The following SORCS2 variants were observed in gnomAD, a reference collection of about 807,000 sequenced individuals.
SORCS2 encodes sortilin related VPS10 domain containing receptor 2, also known as VPS10 domain-containing receptor SorCS2.
Under a neutral mutation model 141.6 loss-of-function variants are expected in SORCS2, and 100 were observed. The observed-to-expected ratio is 0.71, with a 90% CI of 0.60 to 0.83. The LOEUF is 0.83. SORCS2 is among the 40% of genes least tolerant of loss of function. SORCS2 has a pLI of 0.00. For missense variants in SORCS2, 1,646 were observed against 1,560.2 expected, an observed-to-expected ratio of 1.05 and a Z score of -0.93; for synonymous variants, 789 against 676.9, an observed-to-expected ratio of 1.17 and a Z score of -2.57.
chr4:7,545,012 G>T (rs548387858), intron 3 of SORCS2, among the ~76,000 whole-genome samples: 1 of 152,302 alleles, frequency 6.6e-6, no homozygotes, highest in Non-Finnish European at 1.5e-5. Context: ...GAGAAAAATG[G>T]CTCAATTGGG....
At chr4:7,676,017 C>A in intron 8 of SORCS2, 33 bp from the exon 9 acceptor site, 1 of 1,555,544 alleles carries the variant, frequency 6.4e-7, no homozygotes, top group Middle Eastern at 1.7e-4. Context: ...CCCAGCCTGG[C>A]TCTGACCCTG....
In SORCS2 at chr4:7,255,005, A is replaced by C. The variant is rs576804996; in HGVS notation, c.480+61879A>C. Among the ~76,000 whole-genome samples, 3 of 152,104 alleles carry C rather than the reference A, an allele frequency of 2.0e-5. No individual in the cohort carries two copies. In the East Asian group the frequency reaches 5.8e-4, roughly 30 times the overall value. On this transcript the variant is annotated intron_variant, in intron 1 of 26. Transcript: ENST00000507866. ...GGTGGGAGGTGTCTGCTGTGCACAG[A>C]TGAGTATGTGAGCATGTGTGTGAGC...
intron 10 of SORCS2, among the ~76,000 whole-genome samples, chr4:7,688,811 G>A (rs757362615): frequency 4.6e-5 from 7 of 152,272 alleles, no homozygotes; most frequent in Admixed American, 1.3e-4. Context: ...AGGAGGGCTC[G>A]GCCAGCCAGA....
At chr4:7,440,061 C>T (rs182183278) in intron 2 of SORCS2, among the ~76,000 whole-genome samples, 1 of 152,336 alleles carries the variant, frequency 6.6e-6, no homozygotes, top group East Asian at 1.9e-4. Context: ...AGACATTCAT[C>T]CTCCACCCAC....
intron 1 of SORCS2, among the ~76,000 whole-genome samples, chr4:7,335,554 C>T (rs1393213194): frequency 6.6e-6 from 1 of 152,172 alleles, no homozygotes; most frequent in Non-Finnish European, 1.5e-5. Context: ...TGTCGGGGCA[C>T]CCGAGGACGG....
intron 13 of SORCS2, among the ~76,000 whole-genome samples, 176 bp downstream of exon 13, chr4:7,703,547 G>C (rs1166443058): frequency 6.6e-6 from 1 of 152,176 alleles, no homozygotes; most frequent in African/African-American, 2.4e-5. Context: ...AACCTTTCCT[G>C]AGGGGTCGTG....
chr4:7,284,383 T>C (rs1716078294), intron 1 of SORCS2, among the ~76,000 whole-genome samples: 1 of 152,212 alleles, frequency 6.6e-6, no homozygotes, highest in East Asian at 1.9e-4. Context: ...CTGAGCCTGT[T>C]TCCTTGCCTG....
At chr4:7,642,364 A>G (rs1201005288) in intron 4 of SORCS2, among the ~76,000 whole-genome samples, 1 of 152,252 alleles carries the variant, frequency 6.6e-6, no homozygotes, top group East Asian at 1.9e-4. Context: ...AATTGACTGC[A>G]TTGCAATTGC....
chr4:7,558,540 T>G (rs1294826134), intron 3 of SORCS2, among the ~76,000 whole-genome samples: 1 of 152,182 alleles, frequency 6.6e-6, no homozygotes, highest in African/African-American at 2.4e-5. Context: ...ACAGGTGAGA[T>G]GCCAGCTCCC....
chr4:7,340,596 C>T (rs1720315035), intron 1 of SORCS2, among the ~76,000 whole-genome samples: 1 of 152,210 alleles, frequency 6.6e-6, no homozygotes, highest in South Asian at 2.1e-4. Context: ...TCTGAAACAG[C>T]CTCTTTCTGA....
chr4:7,625,508 T>A (rs1719460605), intron 3 of SORCS2, among the ~76,000 whole-genome samples: 1 of 150,396 alleles, frequency 6.6e-6, no homozygotes, highest in Non-Finnish European at 1.5e-5. Flanking sequence ...CTAGAAGGAG[T>A]TCAAGTTCAA....
chr4:7,278,084 A>G (rs1464234665), intron 1 of SORCS2, among the ~76,000 whole-genome samples: 2 of 152,190 alleles, frequency 1.3e-5, no homozygotes, highest in Non-Finnish European at 2.9e-5. Flanking sequence ...AAGATTGCAG[A>G]GCAGCAGCAG....
At chr4:7,617,472 G>A (rs1433574796) in intron 3 of SORCS2, among the ~76,000 whole-genome samples, 1 of 152,150 alleles carries the variant, frequency 6.6e-6, no homozygotes, top group East Asian at 1.9e-4. Context: ...GGTGTGGGGT[G>A]TGCATAGAAT....
At chr4:7,519,730 C>A (rs1191377449) in intron 2 of SORCS2, among the ~76,000 whole-genome samples, 1 of 152,252 alleles carries the variant, frequency 6.6e-6, no homozygotes, top group Non-Finnish European at 1.5e-5. Context: ...GTCCCCGCAG[C>A]ACCCACACCT....
intron 10 of SORCS2, among the ~76,000 whole-genome samples, chr4:7,686,635 C>CAG (rs1723892262): frequency 6.6e-6 from 1 of 152,254 alleles, no homozygotes; most frequent in African/African-American, 2.4e-5. Flanking sequence ...TGACCACATG[C>CAG]ACCCAAGGCG....
At chr4:7,545,289 A>G (rs937592557) in intron 3 of SORCS2, among the ~76,000 whole-genome samples, 1 of 152,184 alleles carries the variant, frequency 6.6e-6, no homozygotes, top group African/African-American at 2.4e-5. Context: ...CCAGAGCCAA[A>G]AAATAAAATA....
chr4:7,453,657 AG>A (rs1190190524), intron 2 of SORCS2, among the ~76,000 whole-genome samples: 1 of 116,090 alleles, frequency 8.6e-6, no homozygotes, highest in African/African-American at 3.6e-5. Context: ...TGTTGGGGTC[AG>A]GAGCTGTGTG....
At chr4:7,219,511 T>G (rs1728568129) in intron 1 of SORCS2, among the ~76,000 whole-genome samples, 1 of 152,154 alleles carries the variant, frequency 6.6e-6, no homozygotes, top group Admixed American at 6.5e-5. Flanking sequence ...GACTCACAGT[T>G]TGGCATGGCT....
At chr4:7,220,766 T>G (rs2108760125) in intron 1 of SORCS2, among the ~76,000 whole-genome samples, 1 of 152,232 alleles carries the variant, frequency 6.6e-6, no homozygotes, top group South Asian at 2.1e-4. Flanking sequence ...AACATGCCAC[T>G]TTCCAGCTCC....
Sources: gnomAD v4.1 joint callset for allele counts (sites outside exome capture counted in the v4.1 genomes callset) on GRCh38, gnomAD v4.1.1 for gene constraint, MANE v1.5 for transcripts, NCBI Gene and HGNC (gene_info 2026-07-23, HGNC 2026-07-21) for gene names.